Variants in ITPR1 observed in about 807,000 individuals in gnomAD.
ITPR1 encodes inositol 1,4,5-trisphosphate-gated calcium channel ITPR1.
A neutral mutation model predicts 318.4 loss-of-function variants in ITPR1; 96 were observed. That is an observed-to-expected ratio of 0.30 (90% CI 0.26 to 0.36). The LOEUF is 0.36. Among genes scored for constraint, ITPR1 ranks in the 10% least tolerant of loss-of-function variants. ITPR1 has a pLI of 1.00. For synonymous variants in ITPR1, 1,312 were observed against 1,289.9 expected (o/e 1.02, Z -0.37); for missense variants, 2,440 against 3,460.2 (o/e 0.71, Z 7.40).
intron 45 of ITPR1, among the ~76,000 whole-genome samples, chr3:4,766,970 T>G (rs1364418715): frequency 1.3e-5 from 2 of 152,260 alleles, no homozygotes; most frequent in African/African-American, 4.8e-5. Flanking sequence ...CCATGAATAA[T>G]CTTTTCCTGT....
At chr3:4,704,352 C>T (rs1161022051) in intron 36 of ITPR1, among the ~76,000 whole-genome samples, 7 of 152,188 alleles carry the variant, frequency 4.6e-5, no homozygotes, top group Non-Finnish European at 7.4e-5. Flanking sequence ...GCGGAGGTTG[C>T]GGTGAGCCGA....
Position 4,766,591 on chromosome 3 carries a change from A to AGG in ITPR1, c.5606_5607insGG (p.Tyr1869Ter). 6.2e-7 allele frequency: 1 copy of AGG among 1,613,828 alleles called. No individual in the cohort carries two copies. The highest frequency in any genetic ancestry group is 8.5e-7 in the Non-Finnish European group (1 of 1,179,744). ...KKSEKFFKVF[Y>*]DRMKVAQQEI... ...TCAGAGAAATTCTTTAAGGTGTTTTATGACCGGATGAAGGTGGCCCAGCAA... is the reference window on the plus strand; with the variant it reads ...TCAGAGAAATTCTTTAAGGTGTTTTAGGTGACCGGATGAAGGTGGCCCAGCAA... Residue 1869 changes from tyrosine to a stop codon, truncating the protein, a stop_gained and frameshift_variant, in exon 45 of 62, where the codon TAT (tyrosine) becomes TAGGT (stop). Coordinates refer to ENST00000649015, the MANE Select transcript of ITPR1 (RefSeq NM_001378452.1). LOFTEE classifies it high-confidence loss of function.
chr3:4,564,004 C>T lies in ITPR1; in HGVS notation c.163+42910C>T, dbSNP rs113875290. Reference sequence around the variant, plus strand: ...TCACCCAGACTGGAGTGTAGTGGCGCGATCTTGGCTCACTGCAACCTCCAC... The same window carrying T: ...TCACCCAGACTGGAGTGTAGTGGCGTGATCTTGGCTCACTGCAACCTCCAC... On this transcript the variant is annotated intron_variant, in intron 4 of 61. Transcript: ENST00000649015. 2.8e-3 allele frequency among the ~76,000 whole-genome samples: 427 copies of T among 151,720 alleles called. 2 individuals carry two copies. The highest frequency in any genetic ancestry group is 9.7e-3 in the African/African-American group (403 of 41,364).
chr3:4,730,419 G>GTGTT (rs1553715707), intron 42 of ITPR1, among the ~76,000 whole-genome samples: 5,952 of 105,658 alleles, frequency 0.056, 358 homozygotes, highest in East Asian at 0.084. Flanking sequence ...GTGTGTGTGT[G>GTGTT]TTTCCCCCAG....
intron 4 of ITPR1, among the ~76,000 whole-genome samples, chr3:4,547,029 C>T (rs1217480855): frequency 1.3e-5 from 2 of 152,166 alleles, no homozygotes; most frequent in Non-Finnish European, 2.9e-5. Context: ...TGGGCCTTTG[C>T]TGCTTCATCT....
chr3:4,781,863 G>C (rs1218124266), intron 49 of ITPR1, among the ~76,000 whole-genome samples: 1 of 152,154 alleles, frequency 6.6e-6, no homozygotes, highest in Non-Finnish European at 1.5e-5. Flanking sequence ...GACACCTGTA[G>C]TTCCAGCTAC....
At chr3:4,548,287 AGTTTGGGTTGG>A (rs1354971945) in intron 4 of ITPR1, among the ~76,000 whole-genome samples, 1 of 152,152 alleles carries the variant, frequency 6.6e-6, no homozygotes, top group Non-Finnish European at 1.5e-5. Context: ...TCAAACATCA[AGTTTGGGTTGG>A]TTATACATTT....
intron 2 of ITPR1, among the ~76,000 whole-genome samples, chr3:4,496,550 CTT>C (rs757434825): frequency 2.0e-5 from 3 of 152,096 alleles, no homozygotes; most frequent in Non-Finnish European, 4.4e-5. Flanking sequence ...GAATTGGCAT[CTT>C]TTCTTTAGGA....
At position 4,711,664 on chromosome 3, in the gene ITPR1, C is replaced by A; in HGVS notation, c.4992-93C>A. The A allele has an allele frequency of 1.7e-5, 12 of 718,558 alleles. No homozygotes were observed. The South Asian group carries it at 1.8e-4, about 11-fold the overall frequency. 44.5% of individuals were successfully genotyped at this position (718,558 alleles called of 1,614,324 possible). The stretch of plus-strand genomic sequence containing the variant: ...TGAGAGCTCTTAATAAATATTTGTT[C>A]ATTAACGGACTAGTTAAAATAAATT... On this transcript the variant is annotated intron_variant, in intron 38 of 61. Transcript: ENST00000649015.
chr3:4,802,637 G>T (rs2048306908), intron 54 of ITPR1, among the ~76,000 whole-genome samples: 1 of 151,984 alleles, frequency 6.6e-6, no homozygotes, highest in Non-Finnish European at 1.5e-5. Flanking sequence ...AGCCTGGCCA[G>T]TATGCATGTG....
rs1291625439 is a variant in ITPR1 at position 4,814,411 on chromosome 3, C to G, written c.7562-12C>G. The G allele has an allele frequency of 1.2e-6, 2 of 1,613,568 alleles. No individual in the cohort carries two copies. Among genetic ancestry groups the G allele is most frequent in the African/African-American group, 2.7e-5 (2 of 74,908 alleles). ...CACGTTTTCTCTCTGTTGTTACTTG[C>G]CGTGTTCACAGAGCTGGTCCCTGCA... On this transcript the variant is annotated splice_polypyrimidine_tract_variant and intron_variant, in intron 57 of 61. Transcript: ENST00000649015.
At chr3:4,754,113 C>T (rs1291501821) in intron 44 of ITPR1, among the ~76,000 whole-genome samples, 1 of 150,930 alleles carries the variant, frequency 6.6e-6, no homozygotes, top group African/African-American at 2.4e-5. Flanking sequence ...TCCCTGGGAA[C>T]CTCGGAGCAT....
intron 16 of ITPR1, among the ~76,000 whole-genome samples, chr3:4,663,873 A>G (rs1317299978): frequency 6.6e-6 from 1 of 152,024 alleles, no homozygotes; most frequent in Admixed American, 6.5e-5. Flanking sequence ...TTTTCCCTTT[A>G]CAGAATGTGA....
intron 30 of ITPR1, among the ~76,000 whole-genome samples, chr3:4,686,872 T>G (rs1355645123): frequency 1.3e-5 from 2 of 152,252 alleles, no homozygotes. Context: ...CAACCAGCAG[T>G]GGCTGTCTGT....
chr3:4,609,627 C>T (rs1353471541), intron 4 of ITPR1, among the ~76,000 whole-genome samples: 3 of 151,806 alleles, frequency 2.0e-5, no homozygotes, highest in Non-Finnish European at 4.4e-5. Flanking sequence ...CTCTGGTGCT[C>T]AGGGCTGGGT....
At chr3:4,654,204 T>A (rs909373993) in intron 12 of ITPR1, among the ~76,000 whole-genome samples, 1 of 152,212 alleles carries the variant, frequency 6.6e-6, no homozygotes, top group Non-Finnish European at 1.5e-5. Flanking sequence ...ATATGGAAGA[T>A]GGTCTTTTCA....
In ITPR1 at chr3:4,534,652, T is replaced by A. The variant is rs544268864; in HGVS notation, c.163+13558T>A. Among the ~76,000 whole-genome samples, 4 of 152,348 alleles carry A rather than the reference T, an allele frequency of 2.6e-5. No individual in the cohort carries two copies. In the East Asian group the frequency reaches 7.7e-4, roughly 29 times the overall value. The stretch of plus-strand genomic sequence containing the variant: ...TTTAAAAGTTCCTTTCTTCGTCTGG[T>A]ATTTTTCCGGGTACATTTGAGTTCC... On this transcript the variant is annotated intron_variant, in intron 4 of 61. Transcript: ENST00000649015.
rs1316644297 is a variant in ITPR1 at position 4,826,365 on chromosome 3, A to G, written c.8028+8123A>G. ...TCACCTGGGCTCTGACAAGCCCTTA[A>G]CCATGGGTGAGGATACAGCCTGTGC... On this transcript the variant is annotated intron_variant, in intron 60 of 61. Coordinates refer to ENST00000649015, the MANE Select transcript of ITPR1 (RefSeq NM_001378452.1). The surrounding 1 kb of genome is among the most constrained non-coding windows in gnomAD (Gnocchi z 4.2). Among the ~76,000 whole-genome samples the G allele has an allele frequency of 6.6e-6, 1 of 152,202 alleles. No homozygotes were observed. The highest frequency in any genetic ancestry group is 2.1e-4 in the South Asian group (1 of 4,828).
chr3:4,673,899 ATC>A (rs1448220215), intron 21 of ITPR1, among the ~76,000 whole-genome samples: 1 of 152,124 alleles, frequency 6.6e-6, no homozygotes, highest in African/African-American at 2.4e-5. Context: ...TATTTTTTAT[ATC>A]TCATTTATCT....
Sources: gnomAD v4.1 joint callset for allele counts (sites outside exome capture counted in the v4.1 genomes callset) on GRCh38, gnomAD v4.1.1 for gene constraint, Gnocchi (gnomAD v3.1) non-coding constraint, MANE v1.5 for transcripts, NCBI Gene and HGNC (gene_info 2026-07-23, HGNC 2026-07-21) for gene names.